Variants in CDH22 observed in about 807,000 individuals in gnomAD.
CDH22 encodes cadherin-22.
In CDH22, 30 loss-of-function variants were observed where a neutral mutation model predicts 58.4. The ratio of observed to expected loss-of-function variants is 0.51; its 90% confidence interval spans 0.38 to 0.70. The LOEUF is 0.70. Ranked by LOEUF, CDH22 falls within the 30% of genes least tolerant of loss-of-function variation. The pLI is 0.00. For missense variants in CDH22, 1,014 were observed against 1,233.9 expected (o/e 0.82, Z 2.67); for synonymous variants, 513 against 558.2 (o/e 0.92, Z 1.14).
At chr20:46,291,867 G>T (rs543397329) in intron 1 of CDH22, among the ~76,000 whole-genome samples, 1 of 152,330 alleles carries the variant, frequency 6.6e-6, no homozygotes, top group African/African-American at 2.4e-5. Context: ...CTTTGTTGGT[G>T]GGGGCTGTCC....
At chr20:46,265,032 C>T (rs1226643607) in intron 1 of CDH22, among the ~76,000 whole-genome samples, 2 of 152,230 alleles carry the variant, frequency 1.3e-5, no homozygotes, top group Non-Finnish European at 2.9e-5. Context: ...CTGCCCTGCC[C>T]CCACCCTGCC....
At chr20:46,182,367 C>T (rs1375289806) in intron 10 of CDH22, among the ~76,000 whole-genome samples, 1 of 152,196 alleles carries the variant, frequency 6.6e-6, no homozygotes, top group African/African-American at 2.4e-5. Context: ...TGTGGAAGAA[C>T]AGCCAGGAAG....
chr20:46,246,744 C>T (rs1214485106), intron 2 of CDH22, among the ~76,000 whole-genome samples: 1 of 152,038 alleles, frequency 6.6e-6, no homozygotes, highest in African/African-American at 2.4e-5. Flanking sequence ...GTCGGGCGCC[C>T]GGGGTTCACT....
chr20:46,232,808 T>C (rs2086228761), intron 3 of CDH22, among the ~76,000 whole-genome samples: 1 of 152,192 alleles, frequency 6.6e-6, no homozygotes, highest in Non-Finnish European at 1.5e-5. Flanking sequence ...GAATGCCAGC[T>C]GGCTGGGCTG....
In CDH22 at chr20:46,240,732, C is replaced by T. The variant is rs567768570; in HGVS notation, c.550+231G>A. Among the ~76,000 whole-genome samples, 10 of 152,216 alleles carry T rather than the reference C, an allele frequency of 6.6e-5. No homozygotes were observed. In the East Asian group the frequency reaches 7.7e-4, roughly 12 times the overall value. On this transcript the variant is annotated intron_variant, in intron 3 of 11. Coordinates refer to ENST00000537909, the MANE Select transcript of CDH22 (RefSeq NM_021248.3). ...ATCACTGTGTCCACATGCGGGTCCA[C>T]GTTCATGGGGGGCTGTGTCCATGGA...
At chr20:46,278,595 T>C (rs1371215169) in intron 1 of CDH22, among the ~76,000 whole-genome samples, 3 of 151,888 alleles carry the variant, frequency 2.0e-5, no homozygotes, top group Non-Finnish European at 4.4e-5. Context: ...TTATTATCTA[T>C]TTTTTTTGAG....
chr20:46,208,261 C>T (rs1360734698), intron 7 of CDH22, among the ~76,000 whole-genome samples: 1 of 152,206 alleles, frequency 6.6e-6, no homozygotes. Context: ...CCTTTCTTCC[C>T]TCTTCTATCT....
chr20:46,218,915 C>T (rs1414370041), intron 4 of CDH22, among the ~76,000 whole-genome samples: 1 of 152,134 alleles, frequency 6.6e-6, no homozygotes, highest in African/African-American at 2.4e-5. Context: ...CAGGTGGTGC[C>T]CGGGGCCTGT....
intron 1 of CDH22, among the ~76,000 whole-genome samples, chr20:46,306,035 C>G (rs2086675121): frequency 6.6e-6 from 1 of 152,268 alleles, no homozygotes; most frequent in Non-Finnish European, 1.5e-5. Flanking sequence ...TCACAACACA[C>G]TTTTAGGGGC....
intron 6 of CDH22, among the ~76,000 whole-genome samples, chr20:46,211,841 C>T (rs1259757466): frequency 6.6e-6 from 1 of 151,792 alleles, no homozygotes; most frequent in Non-Finnish European, 1.5e-5. Flanking sequence ...AGCCCGTATC[C>T]CTACTGAACG....
At chr20:46,267,604 G>A (rs924581602) in intron 1 of CDH22, among the ~76,000 whole-genome samples, 17 of 152,214 alleles carry the variant, frequency 1.1e-4, no homozygotes, top group East Asian at 3.8e-4. Context: ...GCTGAATGGC[G>A]TCTCCCAACT....
chr20:46,229,021 C>T (rs952337033), intron 3 of CDH22, among the ~76,000 whole-genome samples: 5 of 152,186 alleles, frequency 3.3e-5, no homozygotes, highest in Non-Finnish European at 5.9e-5. Context: ...TCTCCTAAAA[C>T]GTCCCTGCAA....
chr20:46,180,551 AT>A (rs951093040), intron 10 of CDH22, among the ~76,000 whole-genome samples: 1 of 152,146 alleles, frequency 6.6e-6, no homozygotes, highest in Admixed American at 6.5e-5. Context: ...TACTGAATGG[AT>A]TTTTTTTATG....
chr20:46,233,033 A>G (rs2145717961), intron 3 of CDH22, among the ~76,000 whole-genome samples: 1 of 152,368 alleles, frequency 6.6e-6, no homozygotes, highest in African/African-American at 2.4e-5. Flanking sequence ...GACAGAAAGC[A>G]GTAGAAACAC....
chr20:46,217,105 A>C, intron 4 of CDH22, 112 bp from the exon 5 acceptor site: 211 of 1,057,988 alleles, frequency 2.0e-4, no homozygotes, highest in Middle Eastern at 3.1e-4. Context: ...AATTAAGCTC[A>C]GGAGGAGAGT....
intron 2 of CDH22, among the ~76,000 whole-genome samples, chr20:46,250,056 C>G (rs2086359096): frequency 6.6e-6 from 1 of 152,160 alleles, no homozygotes; most frequent in Non-Finnish European, 1.5e-5. Flanking sequence ...ATCTCACTCA[C>G]CTTTTCTCCC....
chr20:46,249,666 C>T (rs2086355974), intron 2 of CDH22, among the ~76,000 whole-genome samples: 1 of 152,166 alleles, frequency 6.6e-6, no homozygotes, highest in African/African-American at 2.4e-5. Flanking sequence ...AGTTTTCTTT[C>T]CCCACCCACA....
chr20:46,246,609 C>T (rs2086330952), intron 2 of CDH22, among the ~76,000 whole-genome samples: 2 of 152,046 alleles, frequency 1.3e-5, no homozygotes, highest in Non-Finnish European at 2.9e-5. Context: ...CCAATGGGGG[C>T]AGGGCCGCGG....
chr20:46,221,152 G>A (rs2086121905), intron 4 of CDH22, among the ~76,000 whole-genome samples: 1 of 152,174 alleles, frequency 6.6e-6, no homozygotes, highest in Non-Finnish European at 1.5e-5. Context: ...GTCACTCCCA[G>A]CGACCCGACA....
Sources: gnomAD v4.1 joint callset for allele counts (sites outside exome capture counted in the v4.1 genomes callset) on GRCh38, gnomAD v4.1.1 for gene constraint, MANE v1.5 for transcripts, NCBI Gene and HGNC (gene_info 2026-07-23, HGNC 2026-07-21) for gene names.